Variants in GLIS3 observed in about 807,000 individuals in gnomAD.
GLIS3 encodes zinc finger protein GLIS3.
Under a neutral mutation model 78.6 loss-of-function variants are expected in GLIS3, and 53 were observed. The ratio of observed to expected loss-of-function variants is 0.67; its 90% confidence interval spans 0.54 to 0.85. The LOEUF (loss-of-function observed/expected upper bound fraction) is 0.85, where lower values mean the gene tolerates loss of function less well. Ranked by LOEUF, GLIS3 falls within the 40% of genes least tolerant of loss-of-function variation. GLIS3 has a pLI of 0.00. For missense variants in GLIS3, 1,703 were observed against 1,231.1 expected (o/e 1.38, Z -5.74); for synonymous variants, 684 against 509.9 (o/e 1.34, Z -4.60).
At chr9:3,873,309 C>CAATATCCCTG (rs1477031062) in intron 8 of GLIS3, among the ~76,000 whole-genome samples, 1 of 152,052 alleles carries the variant, frequency 6.6e-6, no homozygotes, top group Non-Finnish European at 1.5e-5. Context: ...AACTGCAGGC[C>CAATATCCCTG]AATATCCCTG....
Position 4,024,761 on chromosome 9 carries a change from A to G in GLIS3, c.1711-87572T>C, listed in dbSNP as rs537369954. ...TTCTTCTTCTTCTGTATAACAGCTC[A>G]ATTGTCACAATCTTTCCCAACTTCA... On this transcript the variant is annotated intron_variant, in intron 4 of 10. Transcript: ENST00000381971. Among the ~76,000 whole-genome samples the G allele has an allele frequency of 1.5e-4, 23 of 152,272 alleles. 1 individual carries two copies. The highest frequency in any genetic ancestry group is 5.5e-4 in the African/African-American group (23 of 41,544).
At chr9:4,134,866 CAG>C (rs1248812817) in intron 2 of GLIS3, among the ~76,000 whole-genome samples, 1 of 152,118 alleles carries the variant, frequency 6.6e-6, no homozygotes, top group Admixed American at 6.5e-5. Flanking sequence ...CATGGAAAGA[CAG>C]AGTTCTTTGC....
chr9:4,471,337 G>C, the GLIS3 span, among the ~76,000 whole-genome samples: 1 of 152,108 alleles, frequency 6.6e-6, no homozygotes, highest in Non-Finnish European at 1.5e-5. Context: ...GAGGCATCAC[G>C]TTATGTAAAT....
At chr9:4,291,812 G>C (rs1206646141) in intron 1 of GLIS3, among the ~76,000 whole-genome samples, 1 of 152,092 alleles carries the variant, frequency 6.6e-6, no homozygotes, top group Admixed American at 6.5e-5. Flanking sequence ...ACCTCTCTTA[G>C]AATCTCCTTT....
rs1324692910 is a variant in GLIS3 at position 3,996,786 on chromosome 9, TA to T, written c.1711-59598del. Among the ~76,000 whole-genome samples the T allele has an allele frequency of 5.3e-5, 8 of 152,176 alleles. No homozygotes were observed. The East Asian group carries it at 1.5e-3, about 29-fold the overall frequency. On this transcript the variant is annotated intron_variant, in intron 4 of 10. Coordinates refer to ENST00000381971, the MANE Select transcript of GLIS3 (RefSeq NM_001042413.2). ...ATAATAAAGTTAACAAATTGCTGCC[TA>T]GGCTAATAAAGAAAAAGAAAGATGA... is the stretch of plus-strand genomic sequence containing the variant.
the GLIS3 span, among the ~76,000 whole-genome samples, chr9:4,416,816 T>C: frequency 4.3e-5 from 6 of 140,734 alleles, no homozygotes; most frequent in Admixed American, 4.4e-4. Flanking sequence ...TAGTCAGTTT[T>C]TTTTTTTTTT....
At chr9:4,085,376 G>A (rs940340955) in intron 4 of GLIS3, among the ~76,000 whole-genome samples, 4 of 151,382 alleles carry the variant, frequency 2.6e-5, no homozygotes, top group Admixed American at 2.6e-4. Flanking sequence ...CCAGATTGCT[G>A]GTGTCTTCCT....
chr9:4,290,269 CT>C (rs1207510943), intron 1 of GLIS3, among the ~76,000 whole-genome samples: 1 of 152,142 alleles, frequency 6.6e-6, no homozygotes, highest in Non-Finnish European at 1.5e-5. Context: ...GCCACAAGCA[CT>C]TCTTACTCTG....
intron 7 of GLIS3, among the ~76,000 whole-genome samples, chr9:3,881,789 A>G (rs575277479): frequency 1.3e-5 from 2 of 152,310 alleles, no homozygotes; most frequent in East Asian, 3.9e-4. Context: ...ACTGTAATTT[A>G]ATGAAGGGAG....
chr9:3,933,167 G>A (rs1825716367), intron 5 of GLIS3, among the ~76,000 whole-genome samples: 2 of 152,014 alleles, frequency 1.3e-5, no homozygotes, highest in South Asian at 4.2e-4. Flanking sequence ...GGTGCTTAAG[G>A]CTGAGTCTAG....
chr9:4,402,704 C>A, the GLIS3 span, among the ~76,000 whole-genome samples: 1 of 152,012 alleles, frequency 6.6e-6, no homozygotes, highest in East Asian at 1.9e-4. Context: ...ATTAGAGTCT[C>A]TTAATAGTAG....
At chr9:4,293,272 T>C (rs1816184895) in intron 1 of GLIS3, among the ~76,000 whole-genome samples, 1 of 152,174 alleles carries the variant, frequency 6.6e-6, no homozygotes, top group Non-Finnish European at 1.5e-5. Context: ...AATTTATCAC[T>C]CAAACCAAAT....
chr9:4,362,100 C>T, the GLIS3 span, among the ~76,000 whole-genome samples: 2 of 152,228 alleles, frequency 1.3e-5, no homozygotes, highest in African/African-American at 4.8e-5. Flanking sequence ...CTCACCAGCT[C>T]CCCGCAAGAG....
intron 4 of GLIS3, chr9:4,081,264 C>CTA (rs950216276): frequency 2.6e-5 from 4 of 152,340 alleles, no homozygotes; most frequent in African/African-American, 9.6e-5. Context: ...CTGGACCCTC[C>CTA]TAGCCAGGCC....
At chr9:4,233,110 G>C (rs1038325185) in intron 2 of GLIS3, among the ~76,000 whole-genome samples, 7 of 152,288 alleles carry the variant, frequency 4.6e-5, no homozygotes, top group Non-Finnish European at 1.0e-4. Flanking sequence ...AAATACAAAG[G>C]TGACATCTTT....
At chr9:3,873,959 C>T (rs1264377527) in intron 8 of GLIS3, among the ~76,000 whole-genome samples, 1 of 152,090 alleles carries the variant, frequency 6.6e-6, no homozygotes, top group Non-Finnish European at 1.5e-5. Flanking sequence ...AGAGACCACA[C>T]ATCCCTTCTT....
intron 6 of GLIS3, among the ~76,000 whole-genome samples, chr9:3,922,285 G>A (rs1824941891): frequency 6.6e-6 from 1 of 151,770 alleles, no homozygotes; most frequent in African/African-American, 2.4e-5. Context: ...TCAAAACAGA[G>A]GGACCCATAA....
At chr9:4,350,493 T>C (rs148136785), upstream of GLIS3, among the ~76,000 whole-genome samples, 86 of 152,324 alleles carry the variant, frequency 5.6e-4, no homozygotes, top group East Asian at 0.015. Context: ...CTGTGCACAG[T>C]GTAAATTTAT....
intron 6 of GLIS3, 84 bp from the exon 7 acceptor site, chr9:3,898,919 T>G: frequency 3.8e-6 from 6 of 1,583,908 alleles, no homozygotes; most frequent in South Asian, 3.4e-5. Flanking sequence ...GCTCTATCAG[T>G]GCAACTCAGC....
Sources: gnomAD v4.1 joint callset for allele counts (sites outside exome capture counted in the v4.1 genomes callset) on GRCh38, gnomAD v4.1.1 for gene constraint, MANE v1.5 for transcripts, NCBI Gene and HGNC (gene_info 2026-07-23, HGNC 2026-07-21) for gene names.